Variants in PRXL2A observed in about 807,000 individuals in gnomAD.
PRXL2A encodes peroxiredoxin like 2A, also known as peroxiredoxin-like 2A.
PRXL2A carries 26 observed loss-of-function variants against 25.6 expected under a neutral mutation model. The ratio of observed to expected loss-of-function variants is 1.02; its 90% CI spans 0.74 to 1.41. The LOEUF is 1.41. Ranked by LOEUF, PRXL2A falls within the 40% of genes most tolerant of loss-of-function variation. PRXL2A has a pLI of 0.00. For missense variants in PRXL2A, 246 were observed against 273.9 expected (o/e 0.90, Z 0.72); for synonymous variants, 98 against 102.9 (o/e 0.95, Z 0.29).
rs542292187 is a variant in PRXL2A at position 80,422,453 on chromosome 10, A to G, written c.215A>G (p.Lys72Arg). 6.2e-7 allele frequency: 1 copy of G among 1,613,986 alleles called. No homozygotes were observed. The highest frequency in any genetic ancestry group is 8.5e-7 in the Non-Finnish European group (1 of 1,180,014). Reference protein sequence around the residue: ...RTFKAKELWEKNGAVIMAVRR... With the variant: ...RTFKAKELWERNGAVIMAVRR... ...TTCAAAGCAAAGGAGCTATGGGAAA[A>G]AAATGGAGCTGTGATTATGGCCGTG... Residue 72 changes from lysine (K) to arginine (R), a missense_variant, in exon 3 of 6, where the codon AAA becomes AGA. Lys to Arg is a conservative substitution (Grantham distance 26). Coordinates refer to ENST00000606162, the MANE Select transcript of PRXL2A (RefSeq NM_032333.5).
At chr10:80,413,152 C>G (rs1360967952) in intron 1 of PRXL2A, among the ~76,000 whole-genome samples, 1 of 151,616 alleles carries the variant, frequency 6.6e-6, no homozygotes, top group Non-Finnish European at 1.5e-5. Context: ...CCCTGCCCCC[C>G]CATCTACTGA....
chr10:80,412,893 G>A (rs1026368051), intron 1 of PRXL2A, among the ~76,000 whole-genome samples: 6 of 152,250 alleles, frequency 3.9e-5, no homozygotes, highest in Admixed American at 3.9e-4. Context: ...TGCTGGGATC[G>A]CTCTGACTAC....
chr10:80,409,617 C>T (rs1202075251), intron 1 of PRXL2A, among the ~76,000 whole-genome samples: 1 of 152,194 alleles, frequency 6.6e-6, no homozygotes, highest in Non-Finnish European at 1.5e-5. Flanking sequence ...CTTGAATGCT[C>T]CTGCTCGGGC....
intron 1 of PRXL2A, chr10:80,413,929 G>A (rs964486998): frequency 3.9e-5 from 44 of 1,123,798 alleles, no homozygotes; most frequent in South Asian, 1.1e-4. Flanking sequence ...GTAAGAGACC[G>A]TTTGAGGAAG....
At chr10:80,414,918 T>C (rs912628618) in intron 1 of PRXL2A, among the ~76,000 whole-genome samples, 3 of 152,224 alleles carry the variant, frequency 2.0e-5, no homozygotes, top group Non-Finnish European at 2.9e-5. Context: ...AAATTAAAAT[T>C]CCTTTGATTG....
intron 1 of PRXL2A, chr10:80,409,208 T>A (rs190861759): frequency 2.3e-4 from 77 of 327,708 alleles, no homozygotes; most frequent in Non-Finnish European, 3.3e-4. Context: ...ACGCCTGACT[T>A]TAAATTGGGT....
upstream of PRXL2A, among the ~76,000 whole-genome samples, chr10:80,408,167 G>A (rs1280000936): frequency 3.4e-5 from 4 of 118,554 alleles, no homozygotes; most frequent in Non-Finnish European, 6.6e-5. Context: ...GCCCATGGAG[G>A]TTAAAAAAAA....
At chr10:80,421,177 G>A (rs1348511361) in intron 2 of PRXL2A, among the ~76,000 whole-genome samples, 2 of 152,146 alleles carry the variant, frequency 1.3e-5, no homozygotes, top group African/African-American at 4.8e-5. Flanking sequence ...TTCAGGCATG[G>A]CCAGCCCCTC....
At chr10:80,424,857 G>C (rs1844992380) in intron 3 of PRXL2A, among the ~76,000 whole-genome samples, 1 of 152,204 alleles carries the variant, frequency 6.6e-6, no homozygotes, top group Admixed American at 6.5e-5. Context: ...GTGGGCGACA[G>C]AGCAAGACTC....
At chr10:80,429,529 GGCCCT>G (rs1460217991) in intron 5 of PRXL2A, among the ~76,000 whole-genome samples, 2 of 131,416 alleles carry the variant, frequency 1.5e-5, no homozygotes, top group Non-Finnish European at 3.3e-5. Context: ...TTCCCGGCCC[GGCCCT>G]GCCCTGCCCC....
chr10:80,426,543 A>T (rs1039648232), intron 4 of PRXL2A, among the ~76,000 whole-genome samples: 3 of 152,208 alleles, frequency 2.0e-5, no homozygotes, highest in Non-Finnish European at 4.4e-5. Context: ...TAAGTTGAGG[A>T]GCATCTGTAT....
rs1256850629 is a variant in PRXL2A, at chr10:80,432,173, G to A, written c.*74G>A. On this transcript the variant is annotated 3_prime_UTR_variant, in exon 6 of 6. Transcript: ENST00000606162. ...TTCATGGGATGTATTGTTTCCACTC[G>A]TGTCCCTAAGGAGTGAGAAACCCAT... The A allele has an allele frequency of 3.0e-5, 26 of 858,050 alleles. No homozygotes were observed. The highest frequency in any genetic ancestry group is 7.0e-4 in the Middle Eastern group (2 of 2,850). The allele number at this position is 858,050 out of a possible 1,614,324, so 53.2% of individuals were successfully genotyped here. A position where few individuals can be genotyped will look rare whatever the true frequency, so the allele number is the denominator to read the frequency against.
chr10:80,427,260 A>G, intron 4 of PRXL2A, 72 bp from the exon 5 acceptor site: 1 of 1,383,958 alleles, frequency 7.2e-7, no homozygotes, highest in Non-Finnish European at 1.0e-6. Context: ...ATGCCCCGTC[A>G]GGAGCGTTTC....
chr10:80,429,596 T>TA (rs1169047737), intron 5 of PRXL2A, among the ~76,000 whole-genome samples: 1 of 99,064 alleles, frequency 1.0e-5, no homozygotes, highest in Non-Finnish European at 1.9e-5. Context: ...TCTCCTGCCC[T>TA]GCCCTGCCCT....
At chr10:80,426,299 C>T (rs1035880059) in intron 4 of PRXL2A, among the ~76,000 whole-genome samples, 1 of 152,240 alleles carries the variant, frequency 6.6e-6, no homozygotes, top group Admixed American at 6.5e-5. Context: ...TCTTCAAGAA[C>T]CCATACAGCC....
intron 1 of PRXL2A, among the ~76,000 whole-genome samples, chr10:80,411,560 A>T (rs747551820): frequency 1.5e-4 from 23 of 152,250 alleles, no homozygotes; most frequent in Non-Finnish European, 3.1e-4. Context: ...CCCAAACCTG[A>T]GTCCCAGTGC....
chr10:80,426,683 T>G (rs1264396013), intron 4 of PRXL2A, among the ~76,000 whole-genome samples: 2 of 152,208 alleles, frequency 1.3e-5, no homozygotes, highest in Non-Finnish European at 2.9e-5. Flanking sequence ...TTTCTTTCTC[T>G]TCTGCTCCCA....
chr10:80,424,221 C>T (rs1844958508), intron 3 of PRXL2A, among the ~76,000 whole-genome samples: 1 of 151,870 alleles, frequency 6.6e-6, no homozygotes, highest in East Asian at 1.9e-4. Flanking sequence ...GTTTCCACGT[C>T]ATGGCTTTGT....
Position 80,418,143 on chromosome 10 carries a change from C to T in PRXL2A, c.-2-2323C>T, listed in dbSNP as rs571026441. On this transcript the variant is annotated intron_variant, in intron 1 of 5. Transcript: ENST00000606162. ...GTGTACCCGTTATCCAATAGTGACC[C>T]TTATACCTGATAGGTAATTTTCACC... Among the ~76,000 whole-genome samples, 39 of 151,828 alleles carry T rather than the reference C, an allele frequency of 2.6e-4. No homozygotes were observed. In the South Asian group the frequency reaches 8.1e-3, roughly 32 times the overall value.
Sources: gnomAD v4.1 joint callset for allele counts (sites outside exome capture counted in the v4.1 genomes callset) on GRCh38, gnomAD v4.1.1 for gene constraint, MANE v1.5 for transcripts, NCBI Gene and HGNC (gene_info 2026-07-23, HGNC 2026-07-21) for gene names.